The following CUX1 variants were observed in gnomAD, a reference collection of about 807,000 sequenced individuals.
The protein encoded by CUX1 is protein CASP.
Under a neutral mutation model 158.8 loss-of-function variants are expected in CUX1, and 31 were observed. The ratio of observed to expected loss-of-function variants is 0.20; its 90% confidence interval spans 0.15 to 0.26. The LOEUF (loss-of-function observed/expected upper bound fraction) is 0.26. Ranked by LOEUF, CUX1 falls within the 10% of genes least tolerant of loss-of-function variation. The pLI, the probability that CUX1 is intolerant of heterozygous loss-of-function variation, is 1.00. For synonymous variants in CUX1, 879 were observed against 862.1 expected (o/e 1.02, Z -0.34); for missense variants, 1,589 against 2,014.6 (o/e 0.79, Z 4.04).
chr7:101,867,072 C>T (rs1280764898), intron 1 of CUX1, among the ~76,000 whole-genome samples: 1 of 152,132 alleles, frequency 6.6e-6, no homozygotes, highest in Non-Finnish European at 1.5e-5. Context: ...AATACAAAAA[C>T]TAGCCGGGCG....
At chr7:101,834,608 C>T (rs191698011) in intron 1 of CUX1, among the ~76,000 whole-genome samples, 3 of 152,244 alleles carry the variant, frequency 2.0e-5, no homozygotes, top group East Asian at 3.9e-4. Context: ...CTGTTCTAAA[C>T]GTGCCGCTTG....
chr7:101,901,745 G>A (rs1457444808), intron 1 of CUX1, among the ~76,000 whole-genome samples: 1 of 152,222 alleles, frequency 6.6e-6, no homozygotes, highest in Non-Finnish European at 1.5e-5. Context: ...TGTCTGCCCG[G>A]GCAGATGTTA....
chr7:102,030,134 C>T (rs1044063420), intron 3 of CUX1, among the ~76,000 whole-genome samples: 1 of 152,078 alleles, frequency 6.6e-6, no homozygotes, highest in African/African-American at 2.4e-5. Context: ...GCCTCAGCCT[C>T]CCAAGTAGCT....
At chr7:102,265,963 G>T (rs953545250) in intron 14 of CUX1, among the ~76,000 whole-genome samples, 6 of 152,148 alleles carry the variant, frequency 3.9e-5, no homozygotes, top group Admixed American at 1.3e-4. Flanking sequence ...CAGCACTTTG[G>T]GAGGCCGAGG....
chr7:101,909,471 C>T (rs1301184583), intron 1 of CUX1, among the ~76,000 whole-genome samples: 2 of 152,366 alleles, frequency 1.3e-5, no homozygotes, highest in East Asian at 3.9e-4. Flanking sequence ...GAGAACCCTC[C>T]ATTCATCGAA....
At chr7:102,219,052 C>G (rs1257397556) in intron 20 of CUX1, among the ~76,000 whole-genome samples, 2 of 47,264 alleles carry the variant, frequency 4.2e-5, no homozygotes, top group Non-Finnish European at 8.4e-5. Context: ...GACCCTGCCT[C>G]AAAACACACA....
intron 2 of CUX1, among the ~76,000 whole-genome samples, chr7:101,919,228 G>C (rs989156784): frequency 3.3e-5 from 5 of 152,094 alleles, no homozygotes; most frequent in African/African-American, 1.2e-4. Context: ...AGCTGTGACA[G>C]TACGTGTGTG....
chr7:102,248,683 C>G lies in CUX1; in HGVS notation c.4159C>G (p.Arg1387Gly). 1 of 1,288,058 alleles carries G rather than the reference C, an allele frequency of 7.8e-7. No individual in the cohort carries two copies. The highest frequency in any genetic ancestry group is 9.8e-7 in the Non-Finnish European group (1 of 1,016,232). 79.8% of individuals were successfully genotyped at this position (1,288,058 alleles called of 1,614,324 possible). The stretch of plus-strand genomic sequence containing the variant: ...GGGGACCCCGGGCCCGGACGACGCC[C>G]GCGACGACGACCACGAGGGAGGCCC... ...PSGTPGPDDARDDDHEGGPVE... is the reference protein window; with the variant it reads ...PSGTPGPDDAGDDDHEGGPVE... Residue 1387 changes from arginine (R) to glycine (G), a missense_variant, in exon 24 of 24, where the codon CGC becomes GGC. Arg to Gly is a moderately radical substitution (Grantham distance 125). Transcript: ENST00000292535. This position sits in a 1 kb window ranked among gnomAD's most constrained non-coding sequence, Gnocchi z 5.8.
At chr7:101,923,535 C>T (rs1157348069) in intron 2 of CUX1, among the ~76,000 whole-genome samples, 1 of 152,202 alleles carries the variant, frequency 6.6e-6, no homozygotes, top group Non-Finnish European at 1.5e-5. Flanking sequence ...TTTTTGTCTC[C>T]TCTAAAACAG....
rs1586440965 is a variant in CUX1 at position 102,249,594 on chromosome 7, A to G, written c.*552A>G. The stretch of plus-strand genomic sequence containing the variant: ...TTAAAAGAAAAAAAATCAAACCCAC[A>G]TATTAAAAGGGGGCTTTTTATCTGC... On this transcript the variant is annotated 3_prime_UTR_variant, in exon 24 of 24. Coordinates refer to ENST00000292535, the MANE Select transcript of CUX1 (RefSeq NM_181552.4). The G allele has an allele frequency of 1.0e-6, 1 of 985,760 alleles. No homozygotes were observed. Among genetic ancestry groups the G allele is most frequent in the East Asian group, 1.1e-4 (1 of 8,806 alleles). The allele number at this position is 985,760 out of a possible 1,614,324, so 61.1% of individuals were successfully genotyped here. A position where few individuals can be genotyped will look rare whatever the true frequency, so the allele number is the denominator to read the frequency against.
chr7:101,869,868 C>T lies in CUX1; in HGVS notation c.31-46247C>T, dbSNP rs562350304. Among the ~76,000 whole-genome samples the T allele has an allele frequency of 3.9e-5, 6 of 152,274 alleles. No homozygotes were observed. In the East Asian group the frequency reaches 5.8e-4, roughly 15 times the overall value. On this transcript the variant is annotated intron_variant, in intron 1 of 23. Coordinates refer to ENST00000292535, the MANE Select transcript of CUX1 (RefSeq NM_181552.4). The surrounding 1 kb of genome is among the most constrained non-coding windows in gnomAD (Gnocchi z 4.5). ...TAAATCCTCTTGTTAAGACGCGCTC[C>T]GCCCCTGTGTCCTTATTTCCCACCG...
At chr7:102,260,570 C>CTTTTT (rs55642237), downstream of CUX1, among the ~76,000 whole-genome samples, 947 of 51,014 alleles carry the variant, frequency 0.019, 5 homozygotes, top group Non-Finnish European at 0.023. Context: ...CCACACCTGG[C>CTTTTT]TTTTTTTTTT....
intron 1 of CUX1, among the ~76,000 whole-genome samples, chr7:101,825,721 C>T (rs1688616612): frequency 6.7e-6 from 1 of 149,854 alleles, no homozygotes; most frequent in African/African-American, 2.5e-5. Context: ...ATTATGCTGT[C>T]ATCTTAAAAC....
chr7:101,865,243 T>C (rs80187462), intron 1 of CUX1, among the ~76,000 whole-genome samples: 1 of 152,260 alleles, frequency 6.6e-6, no homozygotes, highest in Admixed American at 6.5e-5. Context: ...GTCCGGTTTG[T>C]TGAGCTACAG....
At chr7:101,937,173 T>C (rs1055899046) in intron 2 of CUX1, among the ~76,000 whole-genome samples, 2 of 152,154 alleles carry the variant, frequency 1.3e-5, no homozygotes, top group Non-Finnish European at 2.9e-5. Flanking sequence ...CTGGGGAGTG[T>C]GTGCTGCGTG....
chr7:102,216,637 A>C (rs1367402541), intron 20 of CUX1, among the ~76,000 whole-genome samples: 1 of 99,782 alleles, frequency 1.0e-5, no homozygotes, highest in South Asian at 3.6e-4. Flanking sequence ...ACACCCCCAC[A>C]CACGCACACA....
At chr7:102,046,568 G>GTTTTTTTT in intron 3 of CUX1, among the ~76,000 whole-genome samples, 1 of 89,542 alleles carries the variant, frequency 1.1e-5, no homozygotes, top group African/African-American at 4.7e-5. Context: ...GTTTGGTTTG[G>GTTTTTTTT]ATTTTTTTTT....
Position 101,817,816 on chromosome 7 carries a change from G to C in CUX1, c.30+147G>C. 1.1e-6 allele frequency: 1 copy of C among 927,632 alleles called. No individual in the cohort carries two copies. Among genetic ancestry groups the C allele is most frequent in the East Asian group, 2.9e-5 (1 of 33,992 alleles). 57.5% of individuals were successfully genotyped at this position (927,632 alleles called of 1,614,324 possible). ...ATAGGAGGGTTCCTCAGGGCCCCTG[G>C]GGAACTGCAGCTACTCCCAACTGCT... On this transcript the variant is annotated intron_variant, in intron 1 of 23. Transcript: ENST00000292535. This position sits in a 1 kb window ranked among gnomAD's most constrained non-coding sequence, Gnocchi z 4.1.
chr7:102,030,006 C>T (rs1216704368), intron 3 of CUX1, among the ~76,000 whole-genome samples: 5 of 151,506 alleles, frequency 3.3e-5, no homozygotes, highest in Non-Finnish European at 1.5e-5. Context: ...ACAGTGAATA[C>T]CTGTATGCTT....
Sources: gnomAD v4.1 joint callset for allele counts (sites outside exome capture counted in the v4.1 genomes callset) on GRCh38, gnomAD v4.1.1 for gene constraint, Gnocchi (gnomAD v3.1) non-coding constraint, MANE v1.5 for transcripts, NCBI Gene and HGNC (gene_info 2026-07-23, HGNC 2026-07-21) for gene names.